Variants in CNTN5 observed in about 807,000 individuals in gnomAD.
CNTN5 encodes contactin 5, also known as contactin-5.
Under a neutral mutation model 129.1 loss-of-function variants are expected in CNTN5, and 77 were observed. The ratio of observed to expected loss-of-function variants is 0.60; its 90% CI spans 0.50 to 0.72. The LOEUF is 0.72. Ranked by LOEUF, CNTN5 falls within the 30% of genes least tolerant of loss-of-function variation. The pLI, the probability that CNTN5 is intolerant of heterozygous loss-of-function variation, is 0.00. For synonymous variants in CNTN5, 509 were observed against 465.6 expected, an observed-to-expected ratio of 1.09 and a Z score of -1.20; for missense variants, 1,478 against 1,328.8, an observed-to-expected ratio of 1.11 and a Z score of -1.75.
intron 16 of CNTN5, among the ~76,000 whole-genome samples, chr11:100,232,746 T>C (rs1036185959): frequency 2.0e-5 from 3 of 152,150 alleles, no homozygotes; most frequent in African/African-American, 7.2e-5. Context: ...ACAACTTTAT[T>C]TTAGGGAAAA....
chr11:99,961,728 G>A lies in CNTN5; in HGVS notation c.877+4719G>A, dbSNP rs557380820. On this transcript the variant is annotated intron_variant, in intron 8 of 24. Coordinates refer to ENST00000524871, the MANE Select transcript of CNTN5 (RefSeq NM_014361.4). ...TCTTAATAATATGAATGAGCTTTCC[G>A]TGGAAAGATGAAGTTTTAAATGTCA... Among the ~76,000 whole-genome samples, 26 of 152,274 alleles carry A rather than the reference G, an allele frequency of 1.7e-4. No individual in the cohort carries two copies. The Middle Eastern group carries it at 0.01, about 60-fold the overall frequency.
chr11:100,038,139 A>G (rs1047288357), intron 9 of CNTN5, among the ~76,000 whole-genome samples: 2 of 151,776 alleles, frequency 1.3e-5, no homozygotes, highest in African/African-American at 4.8e-5. Context: ...ACTACTTTGA[A>G]TGTGTCCCAG....
intron 13 of CNTN5, among the ~76,000 whole-genome samples, chr11:100,123,677 G>A (rs180827004): frequency 6.6e-6 from 1 of 151,916 alleles, no homozygotes; most frequent in African/African-American, 2.4e-5. Context: ...GAACAGAAAA[G>A]ATATTGGGTG....
chr11:99,810,437 T>C (rs948718925), intron 3 of CNTN5, among the ~76,000 whole-genome samples: 68 of 152,092 alleles, frequency 4.5e-4, no homozygotes, highest in African/African-American at 1.6e-3. Context: ...TTTAAATGCC[T>C]GACTCCAGTG....
intron 18 of CNTN5, among the ~76,000 whole-genome samples, chr11:100,293,787 A>G (rs1489410505): frequency 6.6e-6 from 1 of 151,578 alleles, no homozygotes; most frequent in Non-Finnish European, 1.5e-5. Context: ...CACTTTATCT[A>G]CCCTAATAAG....
intron 6 of CNTN5, among the ~76,000 whole-genome samples, chr11:99,880,633 A>T (rs1204576519): frequency 1.3e-5 from 2 of 152,196 alleles, no homozygotes; most frequent in Non-Finnish European, 2.9e-5. Context: ...GTGTATAAAA[A>T]ATCTGTAGAC....
intron 2 of CNTN5, among the ~76,000 whole-genome samples, chr11:99,493,131 C>A (rs947790826): frequency 1.3e-5 from 2 of 152,164 alleles, no homozygotes; most frequent in African/African-American, 4.8e-5. Flanking sequence ...AACCCCATCG[C>A]TTTGTTTGTA....
chr11:100,127,651 CTTT>C (rs66468227), intron 13 of CNTN5, among the ~76,000 whole-genome samples: 4 of 81,288 alleles, frequency 4.9e-5, no homozygotes, highest in South Asian at 4.8e-4. Context: ...TTCTTTCTTT[CTTT>C]TTTTTTTTTT....
At chr11:99,324,634 T>C (rs1292755899) in intron 1 of CNTN5, among the ~76,000 whole-genome samples, 3 of 152,176 alleles carry the variant, frequency 2.0e-5, no homozygotes, top group Non-Finnish European at 4.4e-5. Flanking sequence ...CATTAAACAA[T>C]GAACTTCATT....
chr11:99,089,972 T>C (rs1178383137), intron 1 of CNTN5, among the ~76,000 whole-genome samples: 1 of 152,204 alleles, frequency 6.6e-6, no homozygotes, highest in Non-Finnish European at 1.5e-5. Context: ...ACATTTACTA[T>C]GGTGAATCTG....
chr11:99,214,195 A>G (rs1426786671), intron 1 of CNTN5, among the ~76,000 whole-genome samples: 2 of 152,096 alleles, frequency 1.3e-5, no homozygotes, highest in African/African-American at 4.8e-5. Flanking sequence ...TGGAAGTCAG[A>G]TGAAGAAGGG....
intron 9 of CNTN5, among the ~76,000 whole-genome samples, chr11:100,045,951 C>G (rs912417745): frequency 2.0e-5 from 3 of 151,854 alleles, no homozygotes; most frequent in Non-Finnish European, 4.4e-5. Flanking sequence ...TTATTAACAT[C>G]TTTTATTTTA....
chr11:100,040,777 AG>A (rs1407087930), intron 9 of CNTN5, among the ~76,000 whole-genome samples: 1 of 150,908 alleles, frequency 6.6e-6, no homozygotes, highest in Non-Finnish European at 1.5e-5. Context: ...CTCCTAGCCA[AG>A]TGCGGGATAT....
intron 6 of CNTN5, among the ~76,000 whole-genome samples, chr11:99,880,798 A>G (rs938525643): frequency 6.6e-6 from 1 of 152,176 alleles, no homozygotes; most frequent in African/African-American, 2.4e-5. Context: ...TGTCATCTCT[A>G]TTTAGGTGTA....
intron 1 of CNTN5, among the ~76,000 whole-genome samples, chr11:99,100,914 A>G (rs1866699990): frequency 6.6e-6 from 1 of 152,202 alleles, no homozygotes; most frequent in Non-Finnish European, 1.5e-5. Flanking sequence ...TATTTCTTAC[A>G]TGACTTTTGT....
At chr11:99,572,966 G>C (rs1949223537) in intron 3 of CNTN5, among the ~76,000 whole-genome samples, 1 of 152,014 alleles carries the variant, frequency 6.6e-6, no homozygotes, top group African/African-American at 2.4e-5. Flanking sequence ...GCCAGCAATA[G>C]AGATAAAGGA....
intron 3 of CNTN5, among the ~76,000 whole-genome samples, chr11:99,743,461 C>T (rs992397074): frequency 2.0e-5 from 3 of 152,168 alleles, no homozygotes; most frequent in Non-Finnish European, 2.9e-5. Flanking sequence ...CCCATAAAAA[C>T]TGTGTGTCGC....
chr11:99,794,262 T>G (rs1354045776), intron 3 of CNTN5, among the ~76,000 whole-genome samples: 1 of 152,142 alleles, frequency 6.6e-6, no homozygotes, highest in Non-Finnish European at 1.5e-5. Context: ...TTTTTTCTGT[T>G]TTCCATTTTC....
intron 13 of CNTN5, among the ~76,000 whole-genome samples, chr11:100,166,771 TTG>T (rs536561820): frequency 1.1e-3 from 165 of 151,906 alleles, no homozygotes; most frequent in African/African-American, 3.4e-3. Flanking sequence ...TCTTGAAAAA[TTG>T]TCTTACCTGG....
Sources: gnomAD v4.1 joint callset for allele counts (sites outside exome capture counted in the v4.1 genomes callset) on GRCh38, gnomAD v4.1.1 for gene constraint, MANE v1.5 for transcripts, NCBI Gene and HGNC (gene_info 2026-07-23, HGNC 2026-07-21) for gene names.